Variants in CPQ observed in about 807,000 individuals in gnomAD.
CPQ encodes Ser-Met dipeptidase.
CPQ carries 37 observed loss-of-function variants against 45.7 expected under a neutral mutation model. The ratio of observed to expected loss-of-function variants is 0.81; its 90% confidence interval spans 0.62 to 1.07. CPQ has a LOEUF of 1.07. CPQ is among the 50% of genes least tolerant of loss of function. CPQ has a pLI of 0.00. For missense variants in CPQ, 537 were observed against 572.9 expected (o/e 0.94, Z 0.64); for synonymous variants, 186 against 205.8 (o/e 0.90, Z 0.82).
At chr8:97,037,138 A>G (rs533354464) in intron 6 of CPQ, among the ~76,000 whole-genome samples, 22 of 152,338 alleles carry the variant, frequency 1.4e-4, no homozygotes, top group African/African-American at 3.1e-4. Flanking sequence ...AGCTTCTTTT[A>G]GCAGTGAAGT....
At chr8:96,653,819 G>A (rs1586346002) in intron 1 of CPQ, among the ~76,000 whole-genome samples, 2 of 152,264 alleles carry the variant, frequency 1.3e-5, no homozygotes, top group East Asian at 3.9e-4. Flanking sequence ...TGCTGTCTTA[G>A]GGGTGGCAGA....
At chr8:96,862,320 G>T (rs1487396742) in intron 3 of CPQ, among the ~76,000 whole-genome samples, 1 of 144,410 alleles carries the variant, frequency 6.9e-6, no homozygotes, top group East Asian at 2.0e-4. Flanking sequence ...GTGTGTGTGT[G>T]TCTGGGAGAG....
intron 7 of CPQ, among the ~76,000 whole-genome samples, chr8:97,109,809 C>T (rs1811469141): frequency 6.6e-6 from 1 of 152,082 alleles, no homozygotes; most frequent in African/African-American, 2.4e-5. Flanking sequence ...CTCCATTCCC[C>T]ACATGACTCG....
intron 6 of CPQ, among the ~76,000 whole-genome samples, chr8:97,033,625 C>CT (rs774022131): frequency 0.021 from 3,034 of 142,368 alleles, 99 homozygotes; most frequent in African/African-American, 0.071. Context: ...CATGCACAAT[C>CT]TTTTTTTTTT....
chr8:96,735,556 G>A (rs1407645510), intron 1 of CPQ, among the ~76,000 whole-genome samples: 1 of 152,238 alleles, frequency 6.6e-6, no homozygotes, highest in Non-Finnish European at 1.5e-5. Context: ...GCAAATTGGT[G>A]TAACTTCTTT....
intron 1 of CPQ, among the ~76,000 whole-genome samples, chr8:96,767,707 G>A (rs1051100376): frequency 3.7e-5 from 5 of 136,412 alleles, no homozygotes; most frequent in South Asian, 2.4e-4. Flanking sequence ...GCAATGGTGC[G>A]ATATCAGCTC....
intron 4 of CPQ, among the ~76,000 whole-genome samples, chr8:96,963,340 C>G (rs1265040566): frequency 6.6e-6 from 1 of 152,210 alleles, no homozygotes; most frequent in Non-Finnish European, 1.5e-5. Context: ...GAAGTTCCTG[C>G]TATTGCAACA....
chr8:96,919,991 T>C (rs1216515817), intron 4 of CPQ, among the ~76,000 whole-genome samples: 3 of 152,140 alleles, frequency 2.0e-5, no homozygotes, highest in African/African-American at 4.8e-5. Flanking sequence ...TATGTTAAAA[T>C]TGGGATAATA....
At chr8:97,075,669 C>A (rs1407942736) in intron 7 of CPQ, among the ~76,000 whole-genome samples, 1 of 152,088 alleles carries the variant, frequency 6.6e-6, no homozygotes, top group Non-Finnish European at 1.5e-5. Flanking sequence ...CCTTGTCAGC[C>A]ATGTGAGATT....
chr8:96,688,788 A>G (rs1417361068), intron 1 of CPQ, among the ~76,000 whole-genome samples: 1 of 152,166 alleles, frequency 6.6e-6, no homozygotes, highest in African/African-American at 2.4e-5. Flanking sequence ...GAATATTTTC[A>G]TTGATAAGTA....
intron 7 of CPQ, among the ~76,000 whole-genome samples, chr8:97,114,098 T>C (rs1406635195): frequency 4.6e-5 from 7 of 152,156 alleles, no homozygotes; most frequent in Admixed American, 1.3e-4. Context: ...GGCACCAGAT[T>C]TGTGTAATTG....
intron 1 of CPQ, among the ~76,000 whole-genome samples, chr8:96,656,732 TGA>T (rs1346861162): frequency 7.9e-5 from 12 of 152,222 alleles, no homozygotes. Flanking sequence ...CAAAGCAGGC[TGA>T]CCTTCTCATC....
chr8:96,743,074 C>G (rs1362927763), intron 1 of CPQ, among the ~76,000 whole-genome samples: 1 of 152,128 alleles, frequency 6.6e-6, no homozygotes, highest in Non-Finnish European at 1.5e-5. Flanking sequence ...AGAGTGTTTT[C>G]CAACTTGGTT....
chr8:96,999,946 G>A (rs1809245203), intron 5 of CPQ, among the ~76,000 whole-genome samples: 1 of 150,000 alleles, frequency 6.7e-6, no homozygotes, highest in Admixed American at 6.7e-5. Context: ...GGTGTGAGAT[G>A]GTATCTCATT....
At chr8:96,865,110 A>G (rs1811981125) in intron 3 of CPQ, among the ~76,000 whole-genome samples, 1 of 152,080 alleles carries the variant, frequency 6.6e-6, no homozygotes, top group African/African-American at 2.4e-5. Context: ...ATAAAATAAT[A>G]AAGATTGGAA....
intron 3 of CPQ, among the ~76,000 whole-genome samples, chr8:96,861,501 G>C: frequency 6.6e-6 from 1 of 152,070 alleles, no homozygotes; most frequent in Non-Finnish European, 1.5e-5. Context: ...CCCTGAAGAC[G>C]TTTAAGTACA....
intron 4 of CPQ, among the ~76,000 whole-genome samples, chr8:96,899,294 T>A (rs1382952085): frequency 1.3e-5 from 2 of 152,158 alleles, no homozygotes; most frequent in Non-Finnish European, 2.9e-5. Flanking sequence ...AATGTGACTT[T>A]TTGTATATTA....
intron 4 of CPQ, among the ~76,000 whole-genome samples, chr8:96,959,297 C>G (rs1448589710): frequency 1.3e-5 from 2 of 152,108 alleles, no homozygotes; most frequent in Non-Finnish European, 2.9e-5. Flanking sequence ...ACCATTACCT[C>G]CTTTAAAATG....
intron 5 of CPQ, among the ~76,000 whole-genome samples, chr8:96,974,985 C>G (rs1400171759): frequency 6.6e-6 from 1 of 151,530 alleles, no homozygotes; most frequent in East Asian, 1.9e-4. Flanking sequence ...GAAACCCAAA[C>G]CCAGCAGAAG....
Sources: gnomAD v4.1 joint callset for allele counts (sites outside exome capture counted in the v4.1 genomes callset) on GRCh38, gnomAD v4.1.1 for gene constraint, MANE v1.5 for transcripts, NCBI Gene and HGNC (gene_info 2026-07-23, HGNC 2026-07-21) for gene names.